Variants in PALM2AKAP2 observed in about 807,000 individuals in gnomAD.
The protein encoded by PALM2AKAP2 is PALM2 and AKAP2 fusion, also known as PALM2-AKAP2 fusion protein.
In PALM2AKAP2, 37 loss-of-function variants were observed where a neutral mutation model predicts 71.5. The observed-to-expected ratio is 0.52, with a 90% CI of 0.40 to 0.68. PALM2AKAP2 has a LOEUF of 0.68. Ranked by LOEUF, PALM2AKAP2 falls within the 30% of genes least tolerant of loss-of-function variation. The pLI is 0.00. For missense variants in PALM2AKAP2, 1,224 were observed against 1,191.8 expected (o/e 1.03, Z -0.40); for synonymous variants, 468 against 478.8 (o/e 0.98, Z 0.29).
chr9:109,838,962 A>G (rs551916796), intron 1 of PALM2AKAP2, among the ~76,000 whole-genome samples: 38 of 152,364 alleles, frequency 2.5e-4, no homozygotes, highest in South Asian at 1.2e-3. Context: ...TGGTACAAGG[A>G]GGAGCTGGTA....
chr9:109,870,416 C>A (rs1441840334), intron 2 of PALM2AKAP2, among the ~76,000 whole-genome samples: 2 of 152,194 alleles, frequency 1.3e-5, no homozygotes, highest in African/African-American at 2.4e-5. Context: ...ATATTTTCTT[C>A]TCTGTGAGCC....
At chr9:109,645,994 G>A (rs1827147459) in intron 1 of PALM2AKAP2, among the ~76,000 whole-genome samples, 2 of 152,004 alleles carry the variant, frequency 1.3e-5, no homozygotes, top group African/African-American at 4.8e-5. Context: ...TAAATCCAAA[G>A]CAAGCAGAAA....
chr9:110,063,597 G>A (rs892812392), intron 1 of PALM2AKAP2, among the ~76,000 whole-genome samples: 14 of 148,460 alleles, frequency 9.4e-5, no homozygotes, highest in African/African-American at 2.5e-4. Context: ...CCACCACCAC[G>A]CCCAGCTAAT....
At chr9:110,131,355 T>C (rs1264136191) in intron 1 of PALM2AKAP2, among the ~76,000 whole-genome samples, 2 of 152,224 alleles carry the variant, frequency 1.3e-5, no homozygotes, top group Non-Finnish European at 2.9e-5. Context: ...GATGATTCTT[T>C]CATATCCTCC....
chr9:110,115,233 G>A (rs566456823), intron 1 of PALM2AKAP2, among the ~76,000 whole-genome samples: 1 of 152,366 alleles, frequency 6.6e-6, no homozygotes, highest in East Asian at 1.9e-4. Flanking sequence ...ATAGGCAAGA[G>A]AGGTGTGAAT....
At chr9:109,702,966 A>G (rs748941617) in intron 1 of PALM2AKAP2, among the ~76,000 whole-genome samples, 1 of 152,024 alleles carries the variant, frequency 6.6e-6, no homozygotes, top group African/African-American at 2.4e-5. Flanking sequence ...GTACAGGCAC[A>G]TGCCAACAGG....
chr9:109,747,821 C>A (rs1010692998), intron 1 of PALM2AKAP2, among the ~76,000 whole-genome samples: 3 of 152,150 alleles, frequency 2.0e-5, no homozygotes, highest in Non-Finnish European at 2.9e-5. Context: ...AGGTGCTCAC[C>A]ACCAGGCCTG....
upstream of PALM2AKAP2, among the ~76,000 whole-genome samples, chr9:110,045,803 C>T (rs1323860439): frequency 2.0e-5 from 3 of 152,082 alleles, no homozygotes; most frequent in South Asian, 4.1e-4. Flanking sequence ...CTCCTGACCT[C>T]GTGATCCACC....
At chr9:110,170,836 G>A (rs1341884543) in exon 4 of PALM2AKAP2, 1 of 152,338 alleles carries the variant, frequency 6.6e-6, no homozygotes, top group East Asian at 1.9e-4. Flanking sequence ...GGTCCCAGAT[G>A]CCTGGGCTGA....
upstream of PALM2AKAP2, chr9:110,048,538 GAGA>G (rs1005897395): frequency 3.4e-5 from 22 of 653,764 alleles, no homozygotes; most frequent in Admixed American, 2.5e-4. Flanking sequence ...CCACTGAGAG[GAGA>G]AGGTGTGGGT....
chr9:109,778,794 G>A (rs1481013648), upstream of PALM2AKAP2, among the ~76,000 whole-genome samples: 1 of 143,566 alleles, frequency 7.0e-6, no homozygotes, highest in Non-Finnish European at 1.5e-5. Flanking sequence ...TTGAGACAGA[G>A]TTTCACTCTT....
chr9:110,045,910 C>G (rs1426356175), upstream of PALM2AKAP2, among the ~76,000 whole-genome samples: 1 of 152,172 alleles, frequency 6.6e-6, no homozygotes, highest in Non-Finnish European at 1.5e-5. Flanking sequence ...GTCTTTAGTA[C>G]TGGCTTCGAA....
intron 1 of PALM2AKAP2, among the ~76,000 whole-genome samples, chr9:110,053,521 C>T (rs1833755664): frequency 2.5e-5 from 2 of 79,810 alleles, no homozygotes; most frequent in Middle Eastern, 0.011. Flanking sequence ...AGCAAGAACT[C>T]TGTCTCAAAA....
At chr9:109,980,879 A>G (rs946056503) in intron 6 of PALM2AKAP2, among the ~76,000 whole-genome samples, 39 of 152,236 alleles carry the variant, frequency 2.6e-4, no homozygotes, top group African/African-American at 8.7e-4. Flanking sequence ...GACAGACAGA[A>G]CCATATAGTG....
At chr9:109,711,993 TTG>T (rs10611227) in intron 1 of PALM2AKAP2, among the ~76,000 whole-genome samples, 39,719 of 148,342 alleles carry the variant, frequency 0.27, 5,252 homozygotes, top group Middle Eastern at 0.42. Context: ...GTGTGAGTGC[TTG>T]TGTGTGTGTG....
intron 6 of PALM2AKAP2, among the ~76,000 whole-genome samples, chr9:109,949,198 C>G (rs1831579565): frequency 6.6e-6 from 1 of 152,246 alleles, no homozygotes; most frequent in Non-Finnish European, 1.5e-5. Context: ...CCCTGCCTTT[C>G]AGGGAGACAG....
At chr9:109,889,841 A>G (rs1830045810) in intron 3 of PALM2AKAP2, among the ~76,000 whole-genome samples, 2 of 152,158 alleles carry the variant, frequency 1.3e-5, no homozygotes, top group African/African-American at 4.8e-5. Flanking sequence ...TCTTCCATAC[A>G]CTGAGGCCAT....
At chr9:109,724,786 T>G (rs1419142438) in intron 1 of PALM2AKAP2, among the ~76,000 whole-genome samples, 2 of 152,212 alleles carry the variant, frequency 1.3e-5, no homozygotes, top group African/African-American at 4.8e-5. Flanking sequence ...CCAGGCTGTC[T>G]GACTCAAAAG....
chr9:110,092,351 C>T (rs1303203003), intron 1 of PALM2AKAP2, among the ~76,000 whole-genome samples: 1 of 152,102 alleles, frequency 6.6e-6, no homozygotes, highest in Non-Finnish European at 1.5e-5. Context: ...GAAGTAAGAT[C>T]TGATTGACTT....
Sources: gnomAD v4.1 joint callset for allele counts (sites outside exome capture counted in the v4.1 genomes callset) on GRCh38, gnomAD v4.1.1 for gene constraint, MANE v1.5 for transcripts, NCBI Gene and HGNC (gene_info 2026-07-23, HGNC 2026-07-21) for gene names.